FAF1: variants seen among roughly 807,000 people sequenced by gnomAD.
The protein encoded by FAF1 is Fas associated factor 1.
Under a neutral mutation model 92.5 loss-of-function variants are expected in FAF1, and 25 were observed. The ratio of observed to expected loss-of-function variants is 0.27; its 90% confidence interval spans 0.20 to 0.38. The LOEUF (loss-of-function observed/expected upper bound fraction) is 0.38, where lower values mean the gene tolerates loss of function less well. Ranked by LOEUF, FAF1 falls within the 10% of genes least tolerant of loss-of-function variation. The probability of loss-of-function intolerance (pLI) is 1.00; values close to 1 mark genes in which losing one functional copy is unlikely to be tolerated. For synonymous variants in FAF1, 234 were observed against 273.2 expected, an observed-to-expected ratio of 0.86 and a Z score of 1.42; for missense variants, 636 against 793.3, an observed-to-expected ratio of 0.80 and a Z score of 2.38.
At chr1:50,901,513 T>C (rs753920184) in intron 1 of FAF1, among the ~76,000 whole-genome samples, 2 of 151,228 alleles carry the variant, frequency 1.3e-5, no homozygotes, top group African/African-American at 4.9e-5. Flanking sequence ...CTGGGCAACA[T>C]AGCAAGACCT....
intron 12 of FAF1, among the ~76,000 whole-genome samples, chr1:50,576,010 T>C (rs749682469): frequency 6.0e-4 from 91 of 152,234 alleles, no homozygotes; most frequent in South Asian, 1.7e-3. Flanking sequence ...AAACGTGAAC[T>C]ACTAATTTTT....
At chr1:50,460,636 C>T (rs1646415126) in intron 18 of FAF1, among the ~76,000 whole-genome samples, 1 of 149,036 alleles carries the variant, frequency 6.7e-6, no homozygotes, top group Admixed American at 6.7e-5. Flanking sequence ...TGTGTATATA[C>T]ACACACTTTT....
At chr1:50,705,988 C>T in intron 6 of FAF1, 97 bp from the exon 7 acceptor site, 1 of 658,016 alleles carries the variant, frequency 1.5e-6, no homozygotes, top group Non-Finnish European at 2.7e-6. Flanking sequence ...CCCTAACCTC[C>T]ACACAGGCAT....
intron 15 of FAF1, among the ~76,000 whole-genome samples, chr1:50,507,768 C>T (rs940709967): frequency 3.3e-5 from 5 of 152,076 alleles, no homozygotes; most frequent in South Asian, 2.1e-4. Context: ...GTGATTTGAG[C>T]AGTGAAAGGT....
chr1:50,532,110 T>C (rs1648207141), intron 15 of FAF1, among the ~76,000 whole-genome samples: 1 of 152,310 alleles, frequency 6.6e-6, no homozygotes. Context: ...GTCTTTAAAG[T>C]TAGAAATGCT....
chr1:50,842,880 C>G (rs1411484562), intron 2 of FAF1, among the ~76,000 whole-genome samples: 2 of 152,156 alleles, frequency 1.3e-5, no homozygotes, highest in Non-Finnish European at 2.9e-5. Context: ...TGCAGATTAT[C>G]TGACTCCCAT....
At chr1:50,447,226 T>C (rs369708828) in intron 18 of FAF1, among the ~76,000 whole-genome samples, 3 of 148,446 alleles carry the variant, frequency 2.0e-5, no homozygotes, top group Non-Finnish European at 4.5e-5. Context: ...CCCGGGTTCA[T>C]GCCATTCTCC....
chr1:50,691,292 G>C (rs1313899928), intron 7 of FAF1, among the ~76,000 whole-genome samples: 7 of 152,020 alleles, frequency 4.6e-5, no homozygotes, highest in African/African-American at 1.7e-4. Flanking sequence ...GCCCAGGCTG[G>C]AGTGCAGTGG....
chr1:50,704,677 GA>G (rs572236044), intron 7 of FAF1, among the ~76,000 whole-genome samples: 5 of 151,556 alleles, frequency 3.3e-5, no homozygotes, highest in African/African-American at 1.2e-4. Context: ...TTAAAATCCT[GA>G]AAAAAAATTA....
chr1:50,820,402 T>C (rs1405310333), intron 2 of FAF1, among the ~76,000 whole-genome samples: 3 of 152,178 alleles, frequency 2.0e-5, no homozygotes, highest in Non-Finnish European at 2.9e-5. Flanking sequence ...TGATTTGATA[T>C]ATGTATACAC....
chr1:50,560,528 C>G (rs966140778), intron 13 of FAF1, among the ~76,000 whole-genome samples: 2 of 152,232 alleles, frequency 1.3e-5, no homozygotes, highest in East Asian at 3.8e-4. Flanking sequence ...CTATTGGCAA[C>G]TCCTGGGGAA....
chr1:50,876,176 CTCAAGATGAAATGGAGTACG>C (rs1644569580), intron 1 of FAF1, among the ~76,000 whole-genome samples: 1 of 152,164 alleles, frequency 6.6e-6, no homozygotes, highest in Non-Finnish European at 1.5e-5. Context: ...CTTCGTGCTT[CTCAAGATGAAATGGAGTACG>C]TCAGGCAAAT....
intron 3 of FAF1, among the ~76,000 whole-genome samples, chr1:50,791,924 CTTGA>C (rs1661576164): frequency 1.3e-5 from 2 of 152,162 alleles, no homozygotes; most frequent in Non-Finnish European, 2.9e-5. Context: ...CAAGAATTGG[CTTGA>C]TTATGTGTCC....
chr1:50,609,898 C>T (rs1024947185), intron 8 of FAF1, among the ~76,000 whole-genome samples: 1 of 152,092 alleles, frequency 6.6e-6, no homozygotes, highest in African/African-American at 2.4e-5. Flanking sequence ...CACGTTTCAC[C>T]TGTTTACTCC....
At chr1:50,674,008 T>C (rs1027079649) in intron 7 of FAF1, among the ~76,000 whole-genome samples, 3 of 151,922 alleles carry the variant, frequency 2.0e-5, no homozygotes, top group South Asian at 4.2e-4. Context: ...TGGAGTGCAG[T>C]GGCATGATCT....
intron 1 of FAF1, among the ~76,000 whole-genome samples, chr1:50,941,598 T>C (rs1013463677): frequency 2.0e-5 from 3 of 152,088 alleles, no homozygotes; most frequent in African/African-American, 7.2e-5. Context: ...GCTCAATCGA[T>C]CCTCCCACCT....
At chr1:50,603,759 C>T (rs1652253601) in intron 8 of FAF1, among the ~76,000 whole-genome samples, 1 of 152,150 alleles carries the variant, frequency 6.6e-6, no homozygotes, top group Admixed American at 6.5e-5. Context: ...GACTAGCCCA[C>T]TGCCACATTC....
intron 15 of FAF1, among the ~76,000 whole-genome samples, chr1:50,509,528 T>C (rs1647106485): frequency 6.6e-6 from 1 of 152,090 alleles, no homozygotes; most frequent in African/African-American, 2.4e-5. Flanking sequence ...GGGAGGATTG[T>C]TTGAGCCTGG....
At chr1:50,687,280 G>C (rs1656707201) in intron 7 of FAF1, among the ~76,000 whole-genome samples, 1 of 148,824 alleles carries the variant, frequency 6.7e-6, no homozygotes, top group Non-Finnish European at 1.5e-5. Flanking sequence ...ATATTTCAAT[G>C]TACAACTCAG....
Sources: allele counts gnomAD v4.1 joint callset (sites outside exome capture counted in the v4.1 genomes callset), GRCh38; gene constraint gnomAD v4.1.1; transcripts MANE v1.5; gene names NCBI Gene and HGNC (gene_info 2026-07-23, HGNC 2026-07-21).